ERBB4: variants seen among roughly 807,000 people sequenced by gnomAD.
ERBB4 encodes receptor tyrosine-protein kinase erbB-4.
ERBB4 carries 42 observed loss-of-function variants against 158.0 expected under a neutral mutation model. That is an observed-to-expected ratio of 0.27 (90% CI 0.21 to 0.34). The LOEUF (loss-of-function observed/expected upper bound fraction) is 0.34, where lower values mean the gene tolerates loss of function less well. Ranked by LOEUF, ERBB4 falls within the 10% of genes least tolerant of loss-of-function variation. The probability of loss-of-function intolerance (pLI) is 1.00; values close to 1 mark genes in which losing one functional copy is unlikely to be tolerated. For synonymous variants in ERBB4, 583 were observed against 558.7 expected, an observed-to-expected ratio of 1.04 and a Z score of -0.61; for missense variants, 1,333 against 1,624.1, an observed-to-expected ratio of 0.82 and a Z score of 3.08.
At position 211,888,008 on chromosome 2, in the gene ERBB4, C is replaced by T. The variant is rs1010543198; in HGVS notation, c.421+59422G>A. Among the ~76,000 whole-genome samples the T allele has an allele frequency of 3.6e-4, 55 of 152,316 alleles. 1 individual carries two copies. Among genetic ancestry groups the T allele is most frequent in the African/African-American group, 1.3e-3 (54 of 41,586 alleles). On this transcript the variant is annotated intron_variant, in intron 3 of 27. Coordinates refer to ENST00000342788, the MANE Select transcript of ERBB4 (RefSeq NM_005235.3). ...CATTTTCATAGACCATTATAACCAT[C>T]ATATAAATAAATTCCATTCCTAATA... is the stretch of plus-strand genomic sequence containing the variant.
At chr2:212,212,920 A>G (rs565669511) in intron 1 of ERBB4, among the ~76,000 whole-genome samples, 1 of 152,282 alleles carries the variant, frequency 6.6e-6, no homozygotes, top group South Asian at 2.1e-4. Flanking sequence ...AATTAACTCA[A>G]GATGGTTTAA....
intron 3 of ERBB4, among the ~76,000 whole-genome samples, chr2:211,904,862 G>T (rs181372754): frequency 1.3e-5 from 2 of 151,982 alleles, no homozygotes; most frequent in South Asian, 4.1e-4. Flanking sequence ...CAGGAATTAC[G>T]TGTGGTAAGT....
chr2:211,417,059 A>C (rs964111941), intron 25 of ERBB4, among the ~76,000 whole-genome samples: 2 of 152,212 alleles, frequency 1.3e-5, no homozygotes, highest in African/African-American at 2.4e-5. Context: ...TTCCGTGAGA[A>C]AATTTTTAAA....
intron 3 of ERBB4, among the ~76,000 whole-genome samples, chr2:211,942,665 G>A (rs576752100): frequency 1.1e-3 from 163 of 152,082 alleles, no homozygotes; most frequent in Non-Finnish European, 1.9e-3. Context: ...AAATCAAGAT[G>A]ATCCAGTACA....
At position 211,953,171 on chromosome 2, in the gene ERBB4, A is replaced by G. The variant is rs188243664; in HGVS notation, c.235-5555T>C. 1.3e-3 allele frequency among the ~76,000 whole-genome samples: 202 copies of G among 152,140 alleles called. 6 individuals are homozygous for G. The highest frequency in any genetic ancestry group is 3.5e-4 in the Non-Finnish European group (24 of 67,948). ...AATTTTATGAACTTGCCACTAATAC[A>G]AAACATTGTTTGAACAAAACAATTA... is the stretch of plus-strand genomic sequence containing the variant. On this transcript the variant is annotated intron_variant, in intron 2 of 27. Coordinates refer to ENST00000342788, the MANE Select transcript of ERBB4 (RefSeq NM_005235.3).
chr2:212,171,015 C>T (rs984584898), intron 1 of ERBB4, among the ~76,000 whole-genome samples: 1 of 152,096 alleles, frequency 6.6e-6, no homozygotes, highest in African/African-American at 2.4e-5. Context: ...TTGCACTGTG[C>T]ACCTGGAAAA....
chr2:211,544,062 T>C (rs1300912256), intron 20 of ERBB4, among the ~76,000 whole-genome samples: 1 of 151,928 alleles, frequency 6.6e-6, no homozygotes, highest in African/African-American at 2.4e-5. Flanking sequence ...TGATAATCCA[T>C]AGATTCACAT....
At chr2:212,153,724 G>A (rs2080944629) in intron 1 of ERBB4, among the ~76,000 whole-genome samples, 1 of 152,122 alleles carries the variant, frequency 6.6e-6, no homozygotes, top group South Asian at 2.1e-4. Context: ...CTACAACCAT[G>A]TGACACAGAG....
chr2:212,232,740 C>T (rs763084337), intron 1 of ERBB4, among the ~76,000 whole-genome samples: 1 of 152,092 alleles, frequency 6.6e-6, no homozygotes, highest in South Asian at 2.1e-4. Context: ...TGGAAGTGAA[C>T]AGAATCTCAC....
chr2:211,799,095 C>T (rs2076444029), intron 3 of ERBB4, among the ~76,000 whole-genome samples: 2 of 152,082 alleles, frequency 1.3e-5, no homozygotes, highest in Non-Finnish European at 2.9e-5. Context: ...CACTGTGCTT[C>T]AAATAAATTA....
intron 3 of ERBB4, among the ~76,000 whole-genome samples, chr2:211,860,864 T>C (rs972429548): frequency 2.8e-5 from 4 of 143,766 alleles, no homozygotes; most frequent in Non-Finnish European, 6.0e-5. Context: ...AATAAATCAT[T>C]AATTTTATTT....
intron 25 of ERBB4, among the ~76,000 whole-genome samples, chr2:211,411,667 G>A (rs1167313279): frequency 2.6e-5 from 4 of 152,190 alleles, no homozygotes; most frequent in Non-Finnish European, 5.9e-5. Context: ...ATAAATTGCA[G>A]TGACTGGTCA....
intron 4 of ERBB4, chr2:211,778,708 T>C (rs2075958139): frequency 1.3e-5 from 2 of 152,258 alleles, no homozygotes; most frequent in African/African-American, 4.8e-5. Flanking sequence ...GACCATCTTC[T>C]CGCTCCACTT....
intron 1 of ERBB4, among the ~76,000 whole-genome samples, chr2:212,297,425 G>A (rs1342906008): frequency 6.6e-6 from 1 of 151,750 alleles, no homozygotes; most frequent in Non-Finnish European, 1.5e-5. Flanking sequence ...TTAAATCGAT[G>A]GTATATATGT....
At chr2:211,399,096 C>T (rs1478142039) in intron 25 of ERBB4, among the ~76,000 whole-genome samples, 2 of 152,134 alleles carry the variant, frequency 1.3e-5, no homozygotes, top group Non-Finnish European at 2.9e-5. Context: ...TTGATTACAT[C>T]GTGATCTTAT....
At chr2:212,124,720 C>G in intron 2 of ERBB4, 32 bp downstream of exon 2, 2 of 1,613,378 alleles carry the variant, frequency 1.2e-6, no homozygotes, top group Non-Finnish European at 1.7e-6. Context: ...ACTGTCCATT[C>G]ACAAAGAAGA....
chr2:211,964,200 A>G (rs1207723487), intron 2 of ERBB4, among the ~76,000 whole-genome samples: 3 of 152,184 alleles, frequency 2.0e-5, no homozygotes, highest in Non-Finnish European at 4.4e-5. Context: ...TGGTATGCTC[A>G]TTAACACAAG....
chr2:212,521,494 G>A (rs1465371815), intron 1 of ERBB4, among the ~76,000 whole-genome samples: 1 of 151,770 alleles, frequency 6.6e-6, no homozygotes, highest in East Asian at 1.9e-4. Context: ...AAAAGAGAAA[G>A]TTCATGCTCT....
chr2:211,508,320 A>G (rs1025494640), intron 20 of ERBB4, among the ~76,000 whole-genome samples: 3 of 152,198 alleles, frequency 2.0e-5, no homozygotes, highest in African/African-American at 7.2e-5. Context: ...GGCGAAGGAT[A>G]TGAACAGACA....
Sources: allele counts gnomAD v4.1 joint callset (sites outside exome capture counted in the v4.1 genomes callset), GRCh38; gene constraint gnomAD v4.1.1; transcripts MANE v1.5; gene names NCBI Gene and HGNC (gene_info 2026-07-23, HGNC 2026-07-21).